Variants in MCHR2 observed in about 807,000 individuals in gnomAD.
The protein encoded by MCHR2 is melanin-concentrating hormone receptor 2.
MCHR2 carries 15 observed loss-of-function variants against 24.8 expected under a neutral mutation model. The ratio of observed to expected loss-of-function variants is 0.60; its 90% CI spans 0.40 to 0.93. MCHR2 has a LOEUF of 0.93. MCHR2 is among the 40% of genes least tolerant of loss of function. The probability of loss-of-function intolerance (pLI) is 0.00; values close to 1 mark genes in which losing one functional copy is unlikely to be tolerated. For missense variants in MCHR2, 386 were observed against 408.7 expected, an observed-to-expected ratio of 0.94 and a Z score of 0.48; for synonymous variants, 151 against 147.6, an observed-to-expected ratio of 1.02 and a Z score of -0.17.
At chr6:99,960,859 C>A (rs900064696) in intron 1 of MCHR2, among the ~76,000 whole-genome samples, 12 of 152,096 alleles carry the variant, frequency 7.9e-5, no homozygotes, top group African/African-American at 2.9e-4. Context: ...AAACATAAGA[C>A]CTAAAACCAT....
chr6:99,941,450 T>C (rs898274677), intron 4 of MCHR2, among the ~76,000 whole-genome samples: 3 of 152,126 alleles, frequency 2.0e-5, no homozygotes, highest in African/African-American at 7.2e-5. Context: ...GTCCTATCTA[T>C]GTTGCACTGT....
intron 5 of MCHR2, among the ~76,000 whole-genome samples, chr6:99,926,863 G>T (rs1774373352): frequency 6.6e-6 from 1 of 152,094 alleles, no homozygotes; most frequent in African/African-American, 2.4e-5. Context: ...TGTCAATTTT[G>T]GCTTTTGTTG....
chr6:99,973,960 T>G (rs1414532007), intron 1 of MCHR2, among the ~76,000 whole-genome samples: 1 of 152,240 alleles, frequency 6.6e-6, no homozygotes, highest in Non-Finnish European at 1.5e-5. Flanking sequence ...CCTTTGTGGG[T>G]AACCCGACCT....
chr6:99,954,280 C>G (rs1455853740), intron 2 of MCHR2, among the ~76,000 whole-genome samples: 1 of 152,094 alleles, frequency 6.6e-6, no homozygotes, highest in Non-Finnish European at 1.5e-5. Flanking sequence ...AATAATAGTA[C>G]TGCTGTGCTT....
Position 99,955,995 on chromosome 6 carries a change from G to A in MCHR2, c.153C>T (p.Gly51=). Residue 51 remains glycine, a synonymous_variant, in exon 2 of 6, where the codon GGC becomes GGT. Transcript: ENST00000281806. ...TTATAGTGAATACAATGAGGATGTTGCCAACCAGCCCTGTTGAACAGATAA... is the reference window on the plus strand; with the variant it reads ...TTATAGTGAATACAATGAGGATGTTACCAACCAGCCCTGTTGAACAGATAA... The part of the protein sequence containing the change: ...IGIICSTGLV[G]NILIVFTIIR... The A allele has an allele frequency of 6.2e-7, 1 of 1,608,510 alleles. No homozygotes were observed. Among genetic ancestry groups the A allele is most frequent in the Non-Finnish European group, 8.5e-7 (1 of 1,177,826 alleles).
intron 5 of MCHR2, among the ~76,000 whole-genome samples, chr6:99,926,920 G>A (rs1208854665): frequency 6.6e-6 from 1 of 152,202 alleles, no homozygotes; most frequent in Non-Finnish European, 1.5e-5. Flanking sequence ...CTATGCCTAT[G>A]TCCTGAATGG....
Position 99,921,227 on chromosome 6 carries a change from C to G in MCHR2, c.736G>C (p.Val246Leu). Residue 246 changes from valine (V) to leucine (L), a missense_variant, in exon 6 of 6, where the codon GTG (valine) becomes CTG (leucine). Transcript: ENST00000281806. ...AGCACCATCTTTGTCAACTTCATCACTCTCTGTTTTGGTACACTGGGATTG... is the reference window on the plus strand; with the variant it reads ...AGCACCATCTTTGTCAACTTCATCAGTCTCTGTTTTGGTACACTGGGATTG... ...CCNPSVPKQRVMKLTKMVLVL... is the reference protein window; with the variant it reads ...CCNPSVPKQRLMKLTKMVLVL... The G allele has an allele frequency of 6.2e-7, 1 of 1,613,990 alleles. No homozygotes were observed. Among genetic ancestry groups the G allele is most frequent in the South Asian group, 1.1e-5 (1 of 91,060 alleles).
chr6:99,942,676 C>T (rs546248767), intron 4 of MCHR2, among the ~76,000 whole-genome samples: 1 of 152,218 alleles, frequency 6.6e-6, no homozygotes, highest in South Asian at 2.1e-4. Context: ...ATTCCCACTG[C>T]GTCTGGCTGC....
chr6:99,981,384 C>G (rs573293061), intron 1 of MCHR2, among the ~76,000 whole-genome samples: 1 of 152,236 alleles, frequency 6.6e-6, no homozygotes, highest in Admixed American at 6.5e-5. Flanking sequence ...AAACATGTTT[C>G]ACTACTGGAC....
intron 1 of MCHR2, among the ~76,000 whole-genome samples, chr6:99,974,945 G>A (rs1486401636): frequency 6.6e-6 from 1 of 152,170 alleles, no homozygotes; most frequent in African/African-American, 2.4e-5. Flanking sequence ...TTTTGTCTCA[G>A]AGGAGTACCT....
At chr6:99,951,582 C>T (rs573794188) in intron 2 of MCHR2, among the ~76,000 whole-genome samples, 2 of 152,202 alleles carry the variant, frequency 1.3e-5, no homozygotes, top group African/African-American at 4.8e-5. Context: ...CCAACTGGAC[C>T]ACAGCTCATC....
intron 2 of MCHR2, among the ~76,000 whole-genome samples, chr6:99,955,509 T>G (rs1053908731): frequency 6.6e-6 from 1 of 152,122 alleles, no homozygotes; most frequent in Non-Finnish European, 1.5e-5. Context: ...AGTAAAAGAA[T>G]CTCTTTCACC....
At chr6:99,986,570 CAGAA>C (rs898170096) in intron 1 of MCHR2, among the ~76,000 whole-genome samples, 8 of 151,968 alleles carry the variant, frequency 5.3e-5, no homozygotes, top group African/African-American at 1.7e-4. Context: ...TGACTTGAAA[CAGAA>C]AGTCAAAAAC....
intron 5 of MCHR2, among the ~76,000 whole-genome samples, chr6:99,932,596 A>G (rs1157314171): frequency 6.6e-6 from 1 of 152,220 alleles, no homozygotes; most frequent in South Asian, 2.1e-4. Flanking sequence ...CCCCTGATAT[A>G]CTGTGATGAG....
At chr6:99,929,996 T>G (rs1424301962) in intron 5 of MCHR2, among the ~76,000 whole-genome samples, 1 of 150,506 alleles carries the variant, frequency 6.6e-6, no homozygotes, top group Admixed American at 6.7e-5. Flanking sequence ...CTTTCCATGT[T>G]TAGTGCTTCC....
At chr6:99,928,224 C>T (rs139311217) in intron 5 of MCHR2, among the ~76,000 whole-genome samples, 634 of 152,240 alleles carry the variant, frequency 4.2e-3, no homozygotes, top group Middle Eastern at 0.01. Context: ...TGATGCGCTG[C>T]TGAATTCAGT....
At chr6:99,949,152 A>G (rs66677049) in intron 2 of MCHR2, among the ~76,000 whole-genome samples, 27,104 of 152,156 alleles carry the variant, frequency 0.18, 2,624 homozygotes, top group African/African-American at 0.24. Context: ...CATTAATTCA[A>G]AAAACATTTT....
intron 5 of MCHR2, among the ~76,000 whole-genome samples, chr6:99,927,966 T>C (rs1276365228): frequency 2.0e-5 from 3 of 152,174 alleles, no homozygotes; most frequent in Non-Finnish European, 2.9e-5. Context: ...TGATATTGGC[T>C]GTGGGTTTGT....
chr6:99,939,799 G>C (rs957717241), intron 4 of MCHR2, among the ~76,000 whole-genome samples: 2 of 146,064 alleles, frequency 1.4e-5, no homozygotes, highest in Admixed American at 6.9e-5. Flanking sequence ...ACTTCTGCTT[G>C]TCTGGAAAAC....
Sources: allele counts gnomAD v4.1 joint callset (sites outside exome capture counted in the v4.1 genomes callset), GRCh38; gene constraint gnomAD v4.1.1; transcripts MANE v1.5; gene names NCBI Gene and HGNC (gene_info 2026-07-23, HGNC 2026-07-21).